The following SLC7A11 variants were observed in gnomAD, a reference collection of about 807,000 sequenced individuals.
SLC7A11 encodes solute carrier family 7 member 11.
A neutral mutation model predicts 54.5 loss-of-function variants in SLC7A11; 35 were observed. The ratio of observed to expected loss-of-function variants is 0.64; its 90% CI spans 0.49 to 0.85. The LOEUF (loss-of-function observed/expected upper bound fraction) is 0.85, where lower values mean the gene tolerates loss of function less well. SLC7A11 is among the 40% of genes least tolerant of loss of function. SLC7A11 has a pLI of 0.00. For synonymous variants in SLC7A11, 230 were observed against 225.2 expected (o/e 1.02, Z -0.19); for missense variants, 583 against 618.1 (o/e 0.94, Z 0.60).
intron 6 of SLC7A11, among the ~76,000 whole-genome samples, chr4:138,209,327 T>C (rs964936082): frequency 3.9e-5 from 6 of 151,988 alleles, no homozygotes; most frequent in Non-Finnish European, 7.4e-5. Flanking sequence ...CATGACTGAT[T>C]GGGAAACACA....
intron 6 of SLC7A11, among the ~76,000 whole-genome samples, chr4:138,201,475 T>C (rs1737285497): frequency 6.6e-6 from 1 of 152,114 alleles, no homozygotes; most frequent in African/African-American, 2.4e-5. Context: ...GCCTGTCTCC[T>C]TAGAAAAACA....
chr4:138,197,090 T>A (rs1392888593), intron 6 of SLC7A11, among the ~76,000 whole-genome samples: 1 of 152,234 alleles, frequency 6.6e-6, no homozygotes, highest in Non-Finnish European at 1.5e-5. Flanking sequence ...TATCTTATTA[T>A]TTCTAGTGCA....
chr4:138,212,791 TA>T (rs1006608700), intron 6 of SLC7A11, among the ~76,000 whole-genome samples: 68 of 151,646 alleles, frequency 4.5e-4, no homozygotes, highest in African/African-American at 1.5e-3. Flanking sequence ...TTAAAGATAA[TA>T]TGAATTATAT....
At chr4:138,238,589 G>A (rs1738298518) in intron 1 of SLC7A11, among the ~76,000 whole-genome samples, 1 of 146,208 alleles carries the variant, frequency 6.8e-6, no homozygotes. Context: ...AAGTCACCTA[G>A]GAATAATTTT....
intron 6 of SLC7A11, among the ~76,000 whole-genome samples, chr4:138,205,968 T>A (rs552940197): frequency 6.6e-6 from 1 of 152,140 alleles, no homozygotes; most frequent in South Asian, 2.1e-4. Context: ...CAAAAATTTA[T>A]CTAGGCTTGA....
intron 8 of SLC7A11, 67 bp from the exon 9 acceptor site, chr4:138,182,460 A>G: frequency 1.0e-6 from 1 of 974,940 alleles, no homozygotes; most frequent in Admixed American, 1.9e-5. Flanking sequence ...AAATCCAAAA[A>G]TCCCAGAGAA....
chr4:138,227,527 A>AT (rs1560738066), intron 3 of SLC7A11, among the ~76,000 whole-genome samples: 1 of 152,162 alleles, frequency 6.6e-6, no homozygotes, highest in Non-Finnish European at 1.5e-5. Flanking sequence ...TTTAATCCTC[A>AT]TATCTCTATG....
At chr4:138,241,701 A>T in intron 1 of SLC7A11, 92 bp downstream of exon 1, 1 of 984,310 alleles carries the variant, frequency 1.0e-6, no homozygotes, top group Non-Finnish European at 1.6e-6. Context: ...TTTGCCATCC[A>T]TTCACTCCTC....
chr4:138,192,867 A>C (rs1273676241), intron 6 of SLC7A11, among the ~76,000 whole-genome samples: 1 of 152,174 alleles, frequency 6.6e-6, no homozygotes, highest in Non-Finnish European at 1.5e-5. Flanking sequence ...CCCATCCAAC[A>C]AAGAACAAAG....
chr4:138,189,163 C>A (rs554643554), intron 6 of SLC7A11, among the ~76,000 whole-genome samples: 1 of 152,060 alleles, frequency 6.6e-6, no homozygotes, highest in Non-Finnish European at 1.5e-5. Flanking sequence ...ATTTTTGTTC[C>A]GAGTGATAGG....
Position 138,170,250 on chromosome 4 carries a change from G to GTGTGTGTATATATATATA in SLC7A11, c.*1705_*1706insTATATATATATACACACA, listed in dbSNP as rs1443314500. ...ATATAAAAAGTGTGTGTGTGTGTGTGTATATATATATATATATATATACAC... is the reference window on the plus strand; with the variant it reads ...ATATAAAAAGTGTGTGTGTGTGTGTGTGTGTGTATATATATATATATATATATATATATATATATACAC... On this transcript the variant is annotated 3_prime_UTR_variant, in exon 12 of 12. Coordinates refer to ENST00000280612, the MANE Select transcript of SLC7A11 (RefSeq NM_014331.4). The GTGTGTGTATATATATATA allele has an allele frequency of 1.3e-5, 1 of 74,074 alleles. No individual in the cohort carries two copies. The highest frequency in any genetic ancestry group is 4.7e-5 in the African/African-American group (1 of 21,364). The allele number at this position is 74,074 out of a possible 1,614,324, so 4.6% of individuals were successfully genotyped here.
intron 5 of SLC7A11, among the ~76,000 whole-genome samples, chr4:138,214,871 T>C (rs1041528526): frequency 1.3e-5 from 2 of 152,186 alleles, no homozygotes; most frequent in Non-Finnish European, 2.9e-5. Context: ...AAGGAGCTCA[T>C]AGCTCATAGA....
intron 4 of SLC7A11, among the ~76,000 whole-genome samples, chr4:138,222,244 T>C (rs970007217): frequency 1.3e-5 from 2 of 152,192 alleles, no homozygotes; most frequent in Non-Finnish European, 2.9e-5. Context: ...GATCCTTCAG[T>C]GTTTGTCATT....
chr4:138,242,174 CTG>C lies in SLC7A11; in HGVS notation c.-107_-106del, dbSNP rs1174815742. ...ATCGATGTCTTCCTCTGCTTTCAGA[CTG>C]TCTCTCTCAGCGCTATAGTGTTCAC... On this transcript the variant is annotated 5_prime_UTR_variant, in exon 1 of 12. Coordinates refer to ENST00000280612, the MANE Select transcript of SLC7A11 (RefSeq NM_014331.4). 2.2e-5 allele frequency: 29 copies of C among 1,301,624 alleles called. No individual in the cohort carries two copies. The highest frequency in any genetic ancestry group is 2.8e-5 in the Non-Finnish European group (27 of 949,144). 80.6% of individuals were successfully genotyped at this position (1,301,624 alleles called of 1,614,324 possible).
In SLC7A11 at chr4:138,179,326, C is replaced by T. The variant is rs763434895; in HGVS notation, c.1335G>A (p.Ser445=). The T allele has an allele frequency of 7.4e-6, 12 of 1,612,374 alleles. No homozygotes were observed. Among genetic ancestry groups the T allele is most frequent in the South Asian group, 2.2e-5 (2 of 91,008 alleles). ...AGCCAATCCCTGTACTAAATGGGTC[C>T]GAATAGAGGGAAAGGGCAACCATGA... ...CLFMVALSLY[S]DPFSTGIGFV... Residue 445 remains serine, a synonymous_variant, in exon 11 of 12, where the codon TCG becomes TCA. Coordinates refer to ENST00000280612, the MANE Select transcript of SLC7A11 (RefSeq NM_014331.4).
In SLC7A11 at chr4:138,227,073, C is replaced by G. The variant is rs550885437; in HGVS notation, c.521-3749G>C. Among the ~76,000 whole-genome samples the G allele has an allele frequency of 1.9e-3, 286 of 152,250 alleles. 2 individuals carry two copies. The highest frequency in any genetic ancestry group is 1.7e-3 in the Non-Finnish European group (116 of 68,016). On this transcript the variant is annotated intron_variant, in intron 3 of 11. Transcript: ENST00000280612. ...TTTAGGGGAATGTTAAGGACTGAAG[C>G]TGTGATTTAAGGACTGGCAAGTATT... is the stretch of plus-strand genomic sequence containing the variant.
At chr4:138,221,994 C>T (rs1361677478) in intron 4 of SLC7A11, among the ~76,000 whole-genome samples, 1 of 152,164 alleles carries the variant, frequency 6.6e-6, no homozygotes, top group Non-Finnish European at 1.5e-5. Flanking sequence ...GCCTACATTC[C>T]TAACGAATAA....
At chr4:138,238,124 A>C (rs1738285288) in intron 1 of SLC7A11, among the ~76,000 whole-genome samples, 2 of 152,112 alleles carry the variant, frequency 1.3e-5, no homozygotes, top group Admixed American at 6.6e-5. Flanking sequence ...ACTATAAGCT[A>C]AATTTTTAAC....
chr4:138,235,171 T>A lies in SLC7A11; in HGVS notation c.404+1154A>T, dbSNP rs77456168. ...GAATTTAGAGATGAAAGAAATAACA[T>A]AAATTAGAATAAACAGGAAATTAAT... is the stretch of plus-strand genomic sequence containing the variant. On this transcript the variant is annotated intron_variant, in intron 2 of 11. Transcript: ENST00000280612. Among the ~76,000 whole-genome samples, 129 of 152,044 alleles carry A rather than the reference T, an allele frequency of 8.5e-4. 1 individual carries two copies. In the East Asian group the frequency reaches 0.023, roughly 27 times the overall value.
Sources: gnomAD v4.1 joint callset for allele counts (sites outside exome capture counted in the v4.1 genomes callset) on GRCh38, gnomAD v4.1.1 for gene constraint, MANE v1.5 for transcripts, NCBI Gene and HGNC (gene_info 2026-07-23, HGNC 2026-07-21) for gene names.